TMED9: variants seen among roughly 807,000 people sequenced by gnomAD.
TMED9 encodes the protein transmembrane emp24 domain-containing protein 9.
In TMED9, 22 loss-of-function variants were observed where a neutral mutation model predicts 30.6. That is an observed-to-expected ratio of 0.72 (90% CI 0.51 to 1.03). The LOEUF is 1.03. TMED9 is among the 50% of genes least tolerant of loss of function. The probability of loss-of-function intolerance (pLI) is 0.00; values close to 1 mark genes in which losing one functional copy is unlikely to be tolerated. For synonymous variants in TMED9, 146 were observed against 122.8 expected (o/e 1.19, Z -1.25); for missense variants, 251 against 302.1 (o/e 0.83, Z 1.25).
At chr5:177,593,959 C>A in intron 3 of TMED9, 180 bp from the exon 4 acceptor site, 1 of 1,180,610 alleles carries the variant, frequency 8.5e-7, no homozygotes, top group Non-Finnish European at 1.2e-6. Flanking sequence ...ACTCAGAGCA[C>A]CAGCCCAGGC....
In TMED9 at chr5:177,595,458, A is replaced by G; in HGVS notation, c.*42A>G. Reference sequence around the variant, plus strand: ...AACCCATCCTCCCAGGCTGGGGGAGAAAGGACCTCCTGGAACTGACTTCTT... The same window carrying G: ...AACCCATCCTCCCAGGCTGGGGGAGGAAGGACCTCCTGGAACTGACTTCTT... On this transcript the variant is annotated 3_prime_UTR_variant, in exon 5 of 5. Coordinates refer to ENST00000332598, the MANE Select transcript of TMED9 (RefSeq NM_017510.6). The G allele has an allele frequency of 6.4e-7, 1 of 1,570,666 alleles. No individual in the cohort carries two copies. Among genetic ancestry groups the G allele is most frequent in the Non-Finnish European group, 8.7e-7 (1 of 1,151,628 alleles).
intron 4 of TMED9, 117 bp downstream of exon 4, chr5:177,594,402 G>T (rs1767647634): frequency 1.6e-6 from 2 of 1,272,196 alleles, no homozygotes; most frequent in Non-Finnish European, 2.2e-6. Flanking sequence ...GCACTGCATT[G>T]TAGGTCGTGG....
intron 2 of TMED9, 48 bp from the exon 3 acceptor site, chr5:177,593,602 T>A (rs201982089): frequency 2.0e-5 from 32 of 1,611,580 alleles, no homozygotes; most frequent in Non-Finnish European, 2.7e-5. Flanking sequence ...TTTTCCTCCA[T>A]TCCCATCCCT....
intron 2 of TMED9, 70 bp downstream of exon 2, chr5:177,592,745 T>C (rs1767614564): frequency 1.8e-6 from 2 of 1,084,204 alleles, no homozygotes; most frequent in African/African-American, 3.1e-5. Context: ...CCTCTTCTAG[T>C]TCCTGCATCT....
In TMED9 at chr5:177,596,160, G is replaced by A. The variant is rs1767687672; in HGVS notation, c.*744G>A. The stretch of plus-strand genomic sequence containing the variant: ...AGTCATCAGTGGGCACACACTGCAG[G>A]GTGCCTCAGGGAATGCCAGTTCTTC... On this transcript the variant is annotated 3_prime_UTR_variant, in exon 5 of 5. Transcript: ENST00000332598. 1 of 152,534 alleles carries A rather than the reference G, an allele frequency of 6.6e-6. No homozygotes were observed. The highest frequency in any genetic ancestry group is 2.4e-5 in the African/African-American group (1 of 41,452). The allele number at this position is 152,534 out of a possible 1,614,324, so 9.4% of individuals were successfully genotyped here.
At position 177,592,247 on chromosome 5, in the gene TMED9, G is replaced by A; in HGVS notation, c.33G>A (p.Arg11=). The A allele has an allele frequency of 1.2e-6, 2 of 1,610,564 alleles. No homozygotes were observed. The highest frequency in any genetic ancestry group is 1.7e-6 in the Non-Finnish European group (2 of 1,178,784). Residue 11 remains arginine (R), a synonymous_variant, in exon 1 of 5, where the codon CGG becomes CGA. Coordinates refer to ENST00000332598, the MANE Select transcript of TMED9 (RefSeq NM_017510.6). ...TGGAGCTGGGCGTGCTGCTCGTCCG[G>A]CCCCGGCCCGGAACCGGGCTGGGTA... MAVELGVLLV[R]PRPGTGLGRV...
At position 177,597,071 on chromosome 5, in the gene TMED9, G is replaced by A. The variant is rs559773867; in HGVS notation, c.*1655G>A. ...TGGGGGCTGCTTCCCCTAATGGGAT[G>A]ATGCAATCTGGGCTCATGCTGCCAA... On this transcript the variant is annotated 3_prime_UTR_variant, in exon 5 of 5. Coordinates refer to ENST00000332598, the MANE Select transcript of TMED9 (RefSeq NM_017510.6). Among the ~76,000 whole-genome samples the A allele has an allele frequency of 4.6e-5, 7 of 151,974 alleles. No homozygotes were observed. In the East Asian group the frequency reaches 9.7e-4, roughly 21 times the overall value.
chr5:177,594,681 AC>A (rs1479779830), intron 4 of TMED9, among the ~76,000 whole-genome samples: 1 of 152,234 alleles, frequency 6.6e-6, no homozygotes, highest in Admixed American at 6.5e-5. Context: ...GTTCAGTGTC[AC>A]CTGGGGGCTT....
rs869025249 is a variant in TMED9, at chr5:177,592,291, T to G, written c.77T>G (p.Leu26Arg). ...TGLGRVMRTLLLVLWLATRGS... is the reference protein window; with the variant it reads ...TGLGRVMRTLRLVLWLATRGS... ...CTGGGTAGAGTGATGCGGACCCTCC[T>G]GCTGGTGCTGTGGCTGGCGACGCGC... is the stretch of plus-strand genomic sequence containing the variant. Residue 26 changes from leucine (L) to arginine (R), a missense_variant, in exon 1 of 5, where the codon CTG (leucine) becomes CGG (arginine). By Grantham distance (102) the Leu-to-Arg change is moderately radical (BLOSUM62 -2). Around this residue, in one of 2 missense-constraint regions of TMED9, gnomAD observed 98 missense variants for 62.5 expected, o/e 1.57. Transcript: ENST00000332598. 1.9e-6 allele frequency: 3 copies of G among 1,611,842 alleles called. No homozygotes were observed. The highest frequency in any genetic ancestry group is 2.5e-6 in the Non-Finnish European group (3 of 1,179,074).
intron 2 of TMED9, chr5:177,593,408 T>C (rs992540867): frequency 1.7e-5 from 8 of 479,506 alleles, no homozygotes; most frequent in African/African-American, 1.4e-4. Context: ...AGGAAAGCCC[T>C]TCCCAAGAGC....
At chr5:177,594,590 A>G (rs983179181) in intron 4 of TMED9, among the ~76,000 whole-genome samples, 3 of 152,148 alleles carry the variant, frequency 2.0e-5, no homozygotes, top group Non-Finnish European at 2.9e-5. Context: ...ACCGGTGACC[A>G]GGAACCAGAG....
In TMED9 at chr5:177,592,303, G is replaced by C. The variant is rs1166079759; in HGVS notation, c.89G>C (p.Trp30Ser). ...RVMRTLLLVL[W>S]LATRGSALYF... The stretch of plus-strand genomic sequence containing the variant: ...ATGCGGACCCTCCTGCTGGTGCTGT[G>C]GCTGGCGACGCGCGGAAGCGCGCTC... The change falls in exon 1 of 5, where the codon TGG (tryptophan) becomes TCG (serine). Residue 30 changes from tryptophan (W) to serine (S), a missense_variant. Transcript: ENST00000332598. 2 of 1,608,746 alleles carry C rather than the reference G, an allele frequency of 1.2e-6. No individual in the cohort carries two copies. The highest frequency in any genetic ancestry group is 3.4e-5 in the Admixed American group (2 of 59,316).
Position 177,592,630 on chromosome 5 carries a change from C to G in TMED9, c.240C>G (p.Thr80=). ...DKQREEYQPA[T]PGLGMFVEVK... is the part of the protein sequence containing the mutation. ...AGCGGGAGGAGTACCAGCCGGCCAC[C>G]CCGGGGCTTGGCATGTTTGTGGAGG... Residue 80 remains threonine, a synonymous_variant, in exon 2 of 5, where the codon ACC becomes ACG. Transcript: ENST00000332598. 4.3e-6 allele frequency: 7 copies of G among 1,613,740 alleles called. No individual in the cohort carries two copies. Among genetic ancestry groups the G allele is most frequent in the Non-Finnish European group, 5.9e-6 (7 of 1,179,888 alleles).
Position 177,594,136 on chromosome 5 carries a change from C to T in TMED9, c.412-3C>T, listed in dbSNP as rs564381523. 3.7e-6 allele frequency: 6 copies of T among 1,614,138 alleles called. No individual in the cohort carries two copies. The South Asian group carries it at 4.4e-5, about 12-fold the overall frequency. On this transcript the variant is annotated splice_polypyrimidine_tract_variant and splice_region_variant and intron_variant, in intron 3 of 4. Coordinates refer to ENST00000332598, the MANE Select transcript of TMED9 (RefSeq NM_017510.6). ...TTCCCTTATCTCCTTTGTCTGTCCT[C>T]AGAGAGTTCACCTGGACATCCAGGT...
rs1333985713 is a variant in TMED9, at chr5:177,596,812, G to GC, written c.*1402dup. 6.6e-6 allele frequency among the ~76,000 whole-genome samples: 1 copy of GC among 152,142 alleles called. No individual in the cohort carries two copies. The highest frequency in any genetic ancestry group is 1.5e-5 in the Non-Finnish European group (1 of 68,010). On this transcript the variant is annotated 3_prime_UTR_variant, in exon 5 of 5. Transcript: ENST00000332598. ...TGAGCAGGTGGTGGGGTAAATGCCT[G>GC]CCCCCCTCCCTCTGGCCTCTGGGCC... is the stretch of plus-strand genomic sequence containing the variant.
Position 177,596,397 on chromosome 5 carries a change from C to G in TMED9, c.*981C>G, listed in dbSNP as rs192798052. On this transcript the variant is annotated 3_prime_UTR_variant, in exon 5 of 5. Coordinates refer to ENST00000332598, the MANE Select transcript of TMED9 (RefSeq NM_017510.6). ...TTCTAGAGTCAGTAAGCAGGATTGT[C>G]ATGGATGCTGCCAGGAAGTGCCTGG... Among the ~76,000 whole-genome samples the G allele has an allele frequency of 2.0e-5, 3 of 152,184 alleles. No homozygotes were observed. Among genetic ancestry groups the G allele is most frequent in the African/African-American group, 7.2e-5 (3 of 41,450 alleles).
Position 177,595,533 on chromosome 5 carries a change from G to C in TMED9, c.*117G>C. 2 of 1,317,158 alleles carry C rather than the reference G, an allele frequency of 1.5e-6. No individual in the cohort carries two copies. The highest frequency in any genetic ancestry group is 2.1e-6 in the Non-Finnish European group (2 of 968,208). 81.6% of individuals were successfully genotyped at this position (1,317,158 alleles called of 1,614,324 possible). A position where few individuals can be genotyped will look rare whatever the true frequency, so the allele number is the denominator to read the frequency against. On this transcript the variant is annotated 3_prime_UTR_variant, in exon 5 of 5. Coordinates refer to ENST00000332598, the MANE Select transcript of TMED9 (RefSeq NM_017510.6). ...CATACCTGTTCTGGAAGGGAGAGGG[G>C]CTGGAGGCACCCACAGGCACAAGCT...
chr5:177,592,237 T>C lies in TMED9; in HGVS notation c.23T>C (p.Leu8Pro). The C allele has an allele frequency of 5.0e-6, 8 of 1,609,040 alleles. No individual in the cohort carries two copies. The highest frequency in any genetic ancestry group is 6.8e-6 in the Non-Finnish European group (8 of 1,178,332). Reference sequence around the variant, plus strand: ...AAGATGGCTGTGGAGCTGGGCGTGCTGCTCGTCCGGCCCCGGCCCGGAACC... The same window carrying C: ...AAGATGGCTGTGGAGCTGGGCGTGCCGCTCGTCCGGCCCCGGCCCGGAACC... MAVELGV[L>P]LVRPRPGTGL... is the part of the protein sequence containing the mutation. Residue 8 changes from leucine to proline, a missense_variant, in exon 1 of 5, where the codon CTG (leucine) becomes CCG (proline). Around this residue, in one of 2 missense-constraint regions of TMED9, gnomAD observed 98 missense variants for 62.5 expected, o/e 1.57. Transcript: ENST00000332598.
chr5:177,596,315 C>T lies in TMED9; in HGVS notation c.*899C>T, dbSNP rs940282282. 6.6e-6 allele frequency among the ~76,000 whole-genome samples: 1 copy of T among 152,166 alleles called. No individual in the cohort carries two copies. The highest frequency in any genetic ancestry group is 6.5e-5 in the Admixed American group (1 of 15,288). Reference sequence around the variant, plus strand: ...AAGATTATACAACAAGTAAATTGGGCTGGGGCTCAAATTTACACCCTTTCC... The same window carrying T: ...AAGATTATACAACAAGTAAATTGGGTTGGGGCTCAAATTTACACCCTTTCC... On this transcript the variant is annotated 3_prime_UTR_variant, in exon 5 of 5. Coordinates refer to ENST00000332598, the MANE Select transcript of TMED9 (RefSeq NM_017510.6).
Sources: allele counts gnomAD v4.1 joint callset (sites outside exome capture counted in the v4.1 genomes callset), GRCh38; gene constraint gnomAD v4.1.1; regional missense constraint gnomAD v4.1.1; transcripts MANE v1.5; gene names NCBI Gene and HGNC (gene_info 2026-07-23, HGNC 2026-07-21).